Variants in NDUFS1 observed in about 807,000 individuals in gnomAD.
NDUFS1 encodes the protein NADH:ubiquinone oxidoreductase core subunit S1, also known as NADH-ubiquinone oxidoreductase 75 kDa subunit, mitochondrial.
In NDUFS1, 61 loss-of-function variants were observed where a neutral mutation model predicts 84.4. The observed-to-expected ratio is 0.72, with a 90% CI of 0.59 to 0.89. The LOEUF (loss-of-function observed/expected upper bound fraction) is 0.89, where lower values mean the gene tolerates loss of function less well. Ranked by LOEUF, NDUFS1 falls within the 40% of genes least tolerant of loss-of-function variation. NDUFS1 has a pLI of 0.00. For missense variants in NDUFS1, 891 were observed against 890.0 expected, an observed-to-expected ratio of 1.00 and a Z score of -0.01; for synonymous variants, 275 against 290.0, an observed-to-expected ratio of 0.95 and a Z score of 0.53.
In NDUFS1 at chr2:206,122,291, A is replaced by G. The variant is rs1053517; in HGVS notation, c.*1894T>C. The G allele has an allele frequency of 0.52, 79,383 of 151,580 alleles. 22,388 individuals carry two copies. Among genetic ancestry groups the G allele is most frequent in the African/African-American group, 0.74 (30,436 of 41,332 alleles). The allele number at this position is 151,580 out of a possible 1,614,324, so 9.4% of individuals were successfully genotyped here. ...CACCTGCTGTTTTTAAAGATATTGT[A>G]ACATACTATTATTCTAAAACCTTAT... On this transcript the variant is annotated 3_prime_UTR_variant, in exon 19 of 19. Coordinates refer to ENST00000233190, the MANE Select transcript of NDUFS1 (RefSeq NM_005006.7).
At chr2:206,140,943 T>TATATACACACACACAC (rs367723817) in intron 12 of NDUFS1, among the ~76,000 whole-genome samples, 1,436 of 136,086 alleles carry the variant, frequency 0.011, 11 homozygotes, top group Middle Eastern at 0.016. Flanking sequence ...TATATATATA[T>TATATACACACACACAC]ACACACACAC....
rs1201761374 is a variant in NDUFS1 at position 206,138,557 on chromosome 2, G to A, written c.1320C>T (p.Tyr440=). 5 of 1,613,816 alleles carry A rather than the reference G, an allele frequency of 3.1e-6. No homozygotes were observed. The highest frequency in any genetic ancestry group is 1.6e-4 in the Middle Eastern group (1 of 6,062). ...GGGAGTCTCCCAGGTGGTCATATGTGTAAGTGAGGTCCACTGGACTGCCTA... is the reference window on the plus strand; with the variant it reads ...GGGAGTCTCCCAGGTGGTCATATGTATAAGTGAGGTCCACTGGACTGCCTA... ...ALIGSPVDLT[Y]TYDHLGDSPK... Residue 440 remains tyrosine (Y), a synonymous_variant, in exon 13 of 19, where the codon TAC becomes TAT. Transcript: ENST00000233190.
intron 12 of NDUFS1, 81 bp downstream of exon 12, chr2:206,141,860 T>C: frequency 7.8e-7 from 1 of 1,282,038 alleles, no homozygotes; most frequent in Admixed American, 1.9e-5. Flanking sequence ...ACTAACACTA[T>C]TAGGAAGATG....
At position 206,126,546 on chromosome 2, in the gene NDUFS1, G is replaced by A; in HGVS notation, c.2085C>T (p.Tyr695=). 6.2e-7 allele frequency: 1 copy of A among 1,614,066 alleles called. No individual in the cohort carries two copies. The highest frequency in any genetic ancestry group is 1.6e-4 in the Middle Eastern group (1 of 6,062). The change falls in exon 18 of 19, where the codon TAC becomes TAT. Residue 695 remains tyrosine (Y), a synonymous_variant. Coordinates refer to ENST00000233190, the MANE Select transcript of NDUFS1 (RefSeq NM_005006.7). ...VPPQLTIKDF[Y]MTDSISRASQ... is the part of the protein sequence containing the mutation. ...ATGTTGACAATTACATACCTGTCAT[G>A]TAGAAGTCTTTTATAGTTAGCTGAG...
intron 1 of NDUFS1, among the ~76,000 whole-genome samples, chr2:206,156,850 T>C (rs889629004): frequency 4.6e-5 from 7 of 152,240 alleles, no homozygotes; most frequent in Non-Finnish European, 7.3e-5. Flanking sequence ...TCTTTACTTA[T>C]AGAGCAGGAG....
At chr2:206,140,154 G>C (rs1222053897) in intron 12 of NDUFS1, among the ~76,000 whole-genome samples, 1 of 152,122 alleles carries the variant, frequency 6.6e-6, no homozygotes, top group Non-Finnish European at 1.5e-5. Context: ...AGACCAGCCT[G>C]GGCAACATAG....
intron 5 of NDUFS1, among the ~76,000 whole-genome samples, 196 bp downstream of exon 5, chr2:206,148,824 C>T (rs1316171966): frequency 6.6e-6 from 1 of 152,098 alleles, no homozygotes; most frequent in Non-Finnish European, 1.5e-5. Context: ...AATGCTGATC[C>T]TAAAGCTCAA....
At chr2:206,152,585 C>G (rs971139564) in intron 2 of NDUFS1, 75 bp from the exon 3 acceptor site, 2 of 1,305,440 alleles carry the variant, frequency 1.5e-6, no homozygotes, top group South Asian at 2.4e-5. Context: ...TGAATTGACT[C>G]TAACTACAAA....
chr2:206,138,240 G>A (rs570289771), intron 13 of NDUFS1, among the ~76,000 whole-genome samples: 138 of 152,090 alleles, frequency 9.1e-4, no homozygotes, highest in Middle Eastern at 3.4e-3. Context: ...ACAGGCGCAC[G>A]CTAACTTTGG....
intron 11 of NDUFS1, 134 bp from the exon 12 acceptor site, chr2:206,142,203 G>T: frequency 1.3e-6 from 1 of 759,298 alleles, no homozygotes; most frequent in Non-Finnish European, 2.2e-6. Flanking sequence ...TAAATTAAAT[G>T]AACATTTCAG....
intron 13 of NDUFS1, among the ~76,000 whole-genome samples, chr2:206,136,416 T>A (rs1188258491): frequency 6.7e-6 from 1 of 148,620 alleles, no homozygotes; most frequent in African/African-American, 2.5e-5. Context: ...CTCCTTAGTT[T>A]TTAGTTGTTG....
rs1559038202 is a variant in NDUFS1 at position 206,122,639 on chromosome 2, A to AAAAAAAAAG, written c.*1545_*1546insCTTTTTTTT. On this transcript the variant is annotated 3_prime_UTR_variant, in exon 19 of 19. Coordinates refer to ENST00000233190, the MANE Select transcript of NDUFS1 (RefSeq NM_005006.7). Reference sequence around the variant, plus strand: ...AGTAAGACTCCATCTCAAAAAAAAAAAAAAAACAAAGGGAAAAAGGGCATC... The same window carrying AAAAAAAAAG: ...AGTAAGACTCCATCTCAAAAAAAAAAAAAAAAAAGAAAAAACAAAGGGAAAAAGGGCATC... 1 of 146,714 alleles carries AAAAAAAAAG rather than the reference A, an allele frequency of 6.8e-6. No homozygotes were observed. The allele number at this position is 146,714 out of a possible 1,614,324, so 9.1% of individuals were successfully genotyped here.
chr2:206,157,687 C>T (rs1186078940), intron 1 of NDUFS1, among the ~76,000 whole-genome samples: 2 of 152,166 alleles, frequency 1.3e-5, no homozygotes, highest in African/African-American at 2.4e-5. Flanking sequence ...TGTTGACATC[C>T]AGCAACAAAG....
intron 13 of NDUFS1, among the ~76,000 whole-genome samples, chr2:206,134,302 A>G (rs1051952822): frequency 1.2e-4 from 18 of 152,334 alleles, no homozygotes; most frequent in African/African-American, 3.8e-4. Flanking sequence ...ATAGAACTGG[A>G]AGACAAACAA....
At chr2:206,127,758 C>T (rs773799974) in intron 16 of NDUFS1, 39 bp downstream of exon 16, 35 of 1,601,988 alleles carry the variant, frequency 2.2e-5, no homozygotes, top group Admixed American at 5.0e-5. Context: ...TCAAATATGC[C>T]TTTAGTAGCA....
intron 4 of NDUFS1, 58 bp downstream of exon 4, chr2:206,149,760 C>A (rs779022856): frequency 1.6e-6 from 2 of 1,278,584 alleles, no homozygotes; most frequent in Admixed American, 1.7e-5. Context: ...AAGTTTGCTG[C>A]AAGATTTAAA....
At chr2:206,135,599 A>C (rs1691678717) in intron 13 of NDUFS1, among the ~76,000 whole-genome samples, 1 of 151,914 alleles carries the variant, frequency 6.6e-6, no homozygotes, top group Non-Finnish European at 1.5e-5. Flanking sequence ...TGAACCTGGC[A>C]GACTGAGGTT....
rs1189331631 is a variant in NDUFS1, at chr2:206,147,088, C to A, written c.552G>T (p.Arg184Ser). 6.2e-7 allele frequency: 1 copy of A among 1,614,048 alleles called. No homozygotes were observed. The highest frequency in any genetic ancestry group is 1.1e-5 in the South Asian group (1 of 91,082). Reference protein sequence around the residue: ...TRCIQCTRCIRFASEIAGVDD... With the variant: ...TRCIQCTRCISFASEIAGVDD... Reference sequence around the variant, plus strand: ...CTACTCCTGCAATCTCACTTGCAAACCTACAAGATAAAAAATGTGTCATCA... The same window carrying A: ...CTACTCCTGCAATCTCACTTGCAAAACTACAAGATAAAAAATGTGTCATCA... The change falls in exon 8 of 19, where the codon AGG becomes AGT. Residue 184 changes from arginine (R) to serine (S), a missense_variant and splice_region_variant. Coordinates refer to ENST00000233190, the MANE Select transcript of NDUFS1 (RefSeq NM_005006.7).
At position 206,118,113 on chromosome 2, in the gene NDUFS1, A is replaced by T. The variant is rs1392405114; in HGVS notation, c.*6072T>A. 1 of 152,202 alleles carries T rather than the reference A, an allele frequency of 6.6e-6. No individual in the cohort carries two copies. Among genetic ancestry groups the T allele is most frequent in the Non-Finnish European group, 1.5e-5 (1 of 68,038 alleles). 9.4% of individuals were successfully genotyped at this position (152,202 alleles called of 1,614,324 possible). A position where few individuals can be genotyped will look rare whatever the true frequency, so the allele number is the denominator to read the frequency against. On this transcript the variant is annotated 3_prime_UTR_variant, in exon 19 of 19. Transcript: ENST00000233190. Reference sequence around the variant, plus strand: ...TAAGATATCAGATGTTTTGAGTATCAGCAATAGGTAAGTCAATCTCTAAAC... The same window carrying T: ...TAAGATATCAGATGTTTTGAGTATCTGCAATAGGTAAGTCAATCTCTAAAC...
Sources: gnomAD v4.1 joint callset for allele counts (sites outside exome capture counted in the v4.1 genomes callset) on GRCh38, gnomAD v4.1.1 for gene constraint, MANE v1.5 for transcripts, NCBI Gene and HGNC (gene_info 2026-07-23, HGNC 2026-07-21) for gene names.